Variants in EXOC4 observed in about 807,000 individuals in gnomAD.
EXOC4 encodes the protein exocyst complex component 4, also known as SEC8-like 1.
EXOC4 carries 71 observed loss-of-function variants against 107.2 expected under a neutral mutation model. The observed-to-expected ratio is 0.66, with a 90% CI of 0.55 to 0.81. The LOEUF (loss-of-function observed/expected upper bound fraction) is 0.81. Among genes scored for constraint, EXOC4 ranks in the 30% least tolerant of loss-of-function variants. The pLI, the probability that EXOC4 is intolerant of heterozygous loss-of-function variation, is 0.00. For missense variants in EXOC4, 1,108 were observed against 1,189.6 expected (o/e 0.93, Z 1.01); for synonymous variants, 456 against 441.2 (o/e 1.03, Z -0.42).
intron 10 of EXOC4, among the ~76,000 whole-genome samples, chr7:133,756,334 T>C (rs1389890234): frequency 1.3e-5 from 2 of 152,168 alleles, no homozygotes; most frequent in African/African-American, 4.8e-5. Context: ...ACTTTTAATT[T>C]TGATAATGTT....
At chr7:133,477,102 C>T (rs1799033071) in intron 8 of EXOC4, among the ~76,000 whole-genome samples, 1 of 152,094 alleles carries the variant, frequency 6.6e-6, no homozygotes, top group African/African-American at 2.4e-5. Flanking sequence ...TGCATTTTAC[C>T]CTATTTAACA....
chr7:133,585,911 T>C (rs1801392564), intron 9 of EXOC4, among the ~76,000 whole-genome samples: 1 of 152,030 alleles, frequency 6.6e-6, no homozygotes, highest in Admixed American at 6.6e-5. Flanking sequence ...GCCAGGCTGG[T>C]CTCGAACTCC....
In EXOC4 at chr7:133,660,246, A is replaced by G. The variant is rs140000970; in HGVS notation, c.1514+30105A>G. On this transcript the variant is annotated intron_variant, in intron 10 of 17. Coordinates refer to ENST00000253861, the MANE Select transcript of EXOC4 (RefSeq NM_021807.4). ...CAAGCATACCTTCTGAGACTGATTT[A>G]GTGTGGCTTGATCAATAGACTGCAG... 1.4e-3 allele frequency among the ~76,000 whole-genome samples: 210 copies of G among 150,750 alleles called. 1 individual carries two copies. Among genetic ancestry groups the G allele is most frequent in the Non-Finnish European group, 2.0e-3 (139 of 67,852 alleles).
intron 10 of EXOC4, among the ~76,000 whole-genome samples, chr7:133,677,057 T>G (rs559454979): frequency 1.3e-5 from 2 of 152,008 alleles, no homozygotes; most frequent in East Asian, 1.9e-4. Flanking sequence ...TTTATGCTGA[T>G]AACATCTGTC....
chr7:133,301,361 G>C (rs759011073), intron 3 of EXOC4, among the ~76,000 whole-genome samples: 2 of 152,172 alleles, frequency 1.3e-5, no homozygotes, highest in African/African-American at 2.4e-5. Flanking sequence ...TGTATATGTA[G>C]GAAGGGGGAA....
At chr7:133,814,795 T>C (rs1323091080) in intron 10 of EXOC4, among the ~76,000 whole-genome samples, 1 of 152,262 alleles carries the variant, frequency 6.6e-6, no homozygotes, top group African/African-American at 2.4e-5. Context: ...TTCTAATGTT[T>C]AATGGTCATT....
At chr7:133,887,431 A>T (rs963972018) in intron 11 of EXOC4, among the ~76,000 whole-genome samples, 11 of 152,172 alleles carry the variant, frequency 7.2e-5, no homozygotes, top group African/African-American at 2.4e-4. Context: ...AGGAATGCTG[A>T]TCCCTCTTGA....
At chr7:133,321,338 T>C (rs1287223745) in intron 5 of EXOC4, among the ~76,000 whole-genome samples, 1 of 152,080 alleles carries the variant, frequency 6.6e-6, no homozygotes, top group Admixed American at 6.5e-5. Flanking sequence ...TTTTGTTACA[T>C]AGGTATACAC....
chr7:134,016,728 T>C (rs569838620), intron 17 of EXOC4, among the ~76,000 whole-genome samples: 1 of 152,332 alleles, frequency 6.6e-6, no homozygotes, highest in South Asian at 2.1e-4. Context: ...AGGGGAGCTG[T>C]TTACATAAAT....
At chr7:133,607,587 A>G (rs1329127194) in intron 9 of EXOC4, among the ~76,000 whole-genome samples, 3 of 152,208 alleles carry the variant, frequency 2.0e-5, no homozygotes, top group African/African-American at 7.2e-5. Flanking sequence ...CAACAAAAAG[A>G]GCCTTCAAGA....
chr7:133,826,255 A>G (rs1050727238), intron 11 of EXOC4, among the ~76,000 whole-genome samples: 2 of 152,146 alleles, frequency 1.3e-5, no homozygotes, highest in Non-Finnish European at 2.9e-5. Context: ...GATCATTTTT[A>G]TCAAGTTGTG....
chr7:133,462,785 A>T lies in EXOC4; in HGVS notation c.1183-12543A>T, dbSNP rs542442843. On this transcript the variant is annotated intron_variant, in intron 7 of 17. Transcript: ENST00000253861. ...AAAAAATTAGATAAATTTAGACATG[A>T]TGGAAAGCCTTTGGGAGTTATTTAA... Among the ~76,000 whole-genome samples, 5 of 152,290 alleles carry T rather than the reference A, an allele frequency of 3.3e-5. No individual in the cohort carries two copies. The East Asian group carries it at 9.6e-4, about 29-fold the overall frequency.
intron 15 of EXOC4, among the ~76,000 whole-genome samples, chr7:134,003,881 C>G (rs1794582933): frequency 6.6e-6 from 1 of 152,166 alleles, no homozygotes; most frequent in Non-Finnish European, 1.5e-5. Context: ...CAGACTTCCT[C>G]AGCAGCTACT....
At chr7:133,924,900 A>T (rs1390859773) in intron 13 of EXOC4, among the ~76,000 whole-genome samples, 1 of 152,252 alleles carries the variant, frequency 6.6e-6, no homozygotes, top group Non-Finnish European at 1.5e-5. Context: ...TAACAAAAGA[A>T]AAGTAACTTT....
chr7:134,038,435 A>T (rs1258072661), intron 17 of EXOC4, among the ~76,000 whole-genome samples: 1 of 152,204 alleles, frequency 6.6e-6, no homozygotes, highest in Non-Finnish European at 1.5e-5. Flanking sequence ...GAACCACTCC[A>T]TGTAGTCAGA....
At chr7:133,383,031 T>C (rs1201655891) in intron 7 of EXOC4, among the ~76,000 whole-genome samples, 1 of 152,196 alleles carries the variant, frequency 6.6e-6, no homozygotes, top group Non-Finnish European at 1.5e-5. Context: ...TCACTCTTTT[T>C]GAAACTGTGA....
At chr7:133,316,980 A>G (rs975284764) in intron 4 of EXOC4, among the ~76,000 whole-genome samples, 51 of 152,216 alleles carry the variant, frequency 3.4e-4, no homozygotes, top group African/African-American at 1.2e-3. Context: ...TGTTATTACA[A>G]GGTGGTTATC....
At chr7:133,919,676 G>A (rs2116645457) in intron 13 of EXOC4, among the ~76,000 whole-genome samples, 1 of 152,174 alleles carries the variant, frequency 6.6e-6, no homozygotes, top group Admixed American at 6.5e-5. Context: ...TTAGCAATGT[G>A]CATTTAAGTT....
intron 14 of EXOC4, among the ~76,000 whole-genome samples, chr7:133,955,664 C>T (rs1585276347): frequency 6.6e-6 from 1 of 152,238 alleles, no homozygotes; most frequent in Non-Finnish European, 1.5e-5. Flanking sequence ...GCTTGTCTGC[C>T]TCCTGCTGCT....
Sources: gnomAD v4.1 joint callset for allele counts (sites outside exome capture counted in the v4.1 genomes callset) on GRCh38, gnomAD v4.1.1 for gene constraint, MANE v1.5 for transcripts, NCBI Gene and HGNC (gene_info 2026-07-23, HGNC 2026-07-21) for gene names.